The following AGMO variants were observed in gnomAD, a reference collection of about 807,000 sequenced individuals.
AGMO encodes the protein alkylglycerol monooxygenase, also known as glyceryl-ether monooxygenase.
In AGMO, 75 loss-of-function variants were observed where a neutral mutation model predicts 60.2. The ratio of observed to expected loss-of-function variants is 1.25; its 90% CI spans 1.03 to 1.51. The LOEUF is 1.51. AGMO is among the 40% of genes most tolerant of loss of function. AGMO has a pLI of 0.00. For synonymous variants in AGMO, 261 were observed against 177.1 expected (o/e 1.47, Z -3.76); for missense variants, 763 against 525.5 (o/e 1.45, Z -4.42).
chr7:15,224,392 G>C (rs1012958483), intron 12 of AGMO, among the ~76,000 whole-genome samples: 1 of 151,880 alleles, frequency 6.6e-6, no homozygotes, highest in African/African-American at 2.4e-5. Context: ...TATAGAAAGA[G>C]ATAAGAGAAA....
intron 12 of AGMO, among the ~76,000 whole-genome samples, chr7:15,209,826 C>T (rs1781538065): frequency 6.6e-6 from 1 of 152,182 alleles, no homozygotes; most frequent in Admixed American, 6.5e-5. Context: ...CCATTTTTGA[C>T]TACCTGTTCT....
chr7:15,275,742 G>A (rs1783766341), intron 12 of AGMO, among the ~76,000 whole-genome samples: 1 of 152,050 alleles, frequency 6.6e-6, no homozygotes, highest in African/African-American at 2.4e-5. Flanking sequence ...TATATATTTA[G>A]GATGGTGATA....
At chr7:15,517,321 G>A (rs1005395012) in intron 3 of AGMO, among the ~76,000 whole-genome samples, 1 of 151,376 alleles carries the variant, frequency 6.6e-6, no homozygotes, top group Non-Finnish European at 1.5e-5. Context: ...TGGGGTGTGT[G>A]TGTGTGTGTG....
chr7:15,465,350 T>TAC (rs1449265917), intron 3 of AGMO, among the ~76,000 whole-genome samples: 7 of 150,128 alleles, frequency 4.7e-5, no homozygotes, highest in Non-Finnish European at 8.9e-5. Flanking sequence ...TGTGTGTATA[T>TAC]ACACACGCAC....
chr7:15,258,558 T>A (rs1009281614), intron 12 of AGMO, among the ~76,000 whole-genome samples: 4 of 151,118 alleles, frequency 2.6e-5, no homozygotes, highest in East Asian at 3.9e-4. Context: ...CAAAAAAAAA[T>A]AAAAAATAAA....
chr7:15,485,142 C>CAAAAAAAAAA (rs34731268), intron 3 of AGMO, among the ~76,000 whole-genome samples: 347 of 97,002 alleles, frequency 3.6e-3, no homozygotes, highest in East Asian at 0.014. Flanking sequence ...ACTAAAAATA[C>CAAAAAAAAAA]AAAAAAAAAA....
chr7:15,205,428 A>G (rs983763057), intron 12 of AGMO, among the ~76,000 whole-genome samples: 6 of 152,172 alleles, frequency 3.9e-5, no homozygotes, highest in Non-Finnish European at 8.8e-5. Context: ...GGTCTCCCAA[A>G]CATGTATTTA....
At chr7:15,449,784 A>T (rs769222948) in intron 3 of AGMO, among the ~76,000 whole-genome samples, 2 of 152,210 alleles carry the variant, frequency 1.3e-5, no homozygotes, top group Non-Finnish European at 2.9e-5. Context: ...TTATTTTTTT[A>T]AAAATCACGT....
At chr7:15,223,714 T>G (rs1781988881) in intron 12 of AGMO, among the ~76,000 whole-genome samples, 2 of 151,998 alleles carry the variant, frequency 1.3e-5, no homozygotes, top group African/African-American at 4.8e-5. Context: ...GCATAGTCTC[T>G]GAAGTACATA....
intron 10 of AGMO, among the ~76,000 whole-genome samples, chr7:15,383,872 T>A (rs1783799134): frequency 6.6e-6 from 1 of 152,152 alleles, no homozygotes; most frequent in African/African-American, 2.4e-5. Context: ...CTCTTCCATG[T>A]TTTTAATCTG....
chr7:15,370,646 G>A (rs941553445), intron 10 of AGMO, among the ~76,000 whole-genome samples: 11 of 152,070 alleles, frequency 7.2e-5, no homozygotes, highest in African/African-American at 1.7e-4. Flanking sequence ...GATTAGTGAC[G>A]TTGATAATTT....
intron 3 of AGMO, among the ~76,000 whole-genome samples, chr7:15,441,618 T>A (rs1373417411): frequency 6.6e-6 from 1 of 151,822 alleles, no homozygotes; most frequent in Non-Finnish European, 1.5e-5. Context: ...GTCAATAGAG[T>A]TAGCTAGGAT....
intron 12 of AGMO, among the ~76,000 whole-genome samples, chr7:15,333,681 T>TGACAA (rs1176414926): frequency 6.6e-6 from 1 of 151,284 alleles, no homozygotes; most frequent in African/African-American, 2.4e-5. Context: ...GTAAATAACA[T>TGACAA]GACAAAACAA....
intron 12 of AGMO, among the ~76,000 whole-genome samples, chr7:15,295,689 T>C (rs1784388540): frequency 6.6e-6 from 1 of 152,248 alleles, no homozygotes; most frequent in South Asian, 2.1e-4. Flanking sequence ...GCTATAATTC[T>C]TTCCAAAAGC....
chr7:15,452,049 A>T (rs1781868849), intron 3 of AGMO, among the ~76,000 whole-genome samples: 1 of 152,200 alleles, frequency 6.6e-6, no homozygotes, highest in Non-Finnish European at 1.5e-5. Context: ...GTTGAAGTTC[A>T]TCTACAAGGA....
At chr7:15,415,714 C>T (rs1780747551) in intron 5 of AGMO, among the ~76,000 whole-genome samples, 1 of 152,030 alleles carries the variant, frequency 6.6e-6, no homozygotes, top group South Asian at 2.1e-4. Context: ...TATATGATTG[C>T]TAGTGTACTG....
rs528877003 is a variant in AGMO at position 15,371,389 on chromosome 7, A to AT, written c.1075-5168dup. ...GCACATGCTACCGTGCGCACAGCTA[A>AT]TTTTTTTTTTTTTTCTTCGAGACAG... is the stretch of plus-strand genomic sequence containing the variant. On this transcript the variant is annotated intron_variant, in intron 10 of 12. Transcript: ENST00000342526. 2.4e-3 allele frequency among the ~76,000 whole-genome samples: 344 copies of AT among 142,842 alleles called. 2 individuals carry two copies. The highest frequency in any genetic ancestry group is 7.5e-3 in the Middle Eastern group (2 of 266). The allele number at this position is 142,842 out of a possible 152,430, so 93.7% of individuals were successfully genotyped here. A position where few individuals can be genotyped will look rare whatever the true frequency, so the allele number is the denominator to read the frequency against.
At chr7:15,541,242 C>T (rs1443669394) in intron 3 of AGMO, among the ~76,000 whole-genome samples, 1 of 152,144 alleles carries the variant, frequency 6.6e-6, no homozygotes, top group African/African-American at 2.4e-5. Context: ...CCTGCCTCAG[C>T]CTCCTGAGTA....
chr7:15,139,356 ATTCT>A, the AGMO span, among the ~76,000 whole-genome samples: 1 of 152,064 alleles, frequency 6.6e-6, no homozygotes, highest in Non-Finnish European at 1.5e-5. Context: ...CTGATGTTGT[ATTCT>A]TTCTTTAACT....
Sources: allele counts gnomAD v4.1 joint callset (sites outside exome capture counted in the v4.1 genomes callset), GRCh38; gene constraint gnomAD v4.1.1; transcripts MANE v1.5; gene names NCBI Gene and HGNC (gene_info 2026-07-23, HGNC 2026-07-21).